Variants in RTN1 observed in about 807,000 individuals in gnomAD.
RTN1 encodes the protein reticulon 1, also known as reticulon-1.
Under a neutral mutation model 65.5 loss-of-function variants are expected in RTN1, and 25 were observed. That is an observed-to-expected ratio of 0.38 (90% CI 0.28 to 0.53). RTN1 has a LOEUF of 0.53. RTN1 is among the 20% of genes least tolerant of loss of function. RTN1 has a pLI of 0.79. For missense variants in RTN1, 983 were observed against 1,025.4 expected (o/e 0.96, Z 0.57); for synonymous variants, 471 against 447.6 (o/e 1.05, Z -0.66).
intron 3 of RTN1, among the ~76,000 whole-genome samples, chr14:59,612,537 T>C (rs12436730): frequency 0.46 from 69,364 of 152,158 alleles, 18,152 homozygotes; most frequent in East Asian, 0.84. Context: ...TGTTGTGTAC[T>C]TTGTGCTAAA....
intron 1 of RTN1, among the ~76,000 whole-genome samples, chr14:59,755,890 G>A (rs757178369): frequency 6.6e-6 from 1 of 152,156 alleles, no homozygotes; most frequent in Non-Finnish European, 1.5e-5. Context: ...TTAAGAATAT[G>A]AGTAACTACT....
rs924087072 is a variant in RTN1, at chr14:59,784,384, T to C, written c.242-37903A>G. On this transcript the variant is annotated intron_variant, in intron 1 of 8. Coordinates refer to ENST00000267484, the MANE Select transcript of RTN1 (RefSeq NM_021136.3). ...TGAACCTGGGAGGCGGAGGTTGTGG[T>C]GAGCCGAGATCGTGCCATTACACTC... 5.3e-5 allele frequency among the ~76,000 whole-genome samples: 8 copies of C among 150,666 alleles called. No individual in the cohort carries two copies. In the Admixed American group the frequency reaches 5.3e-4, roughly 10 times the overall value.
At chr14:59,659,675 C>G (rs1178774989) in intron 3 of RTN1, among the ~76,000 whole-genome samples, 1 of 152,210 alleles carries the variant, frequency 6.6e-6, no homozygotes, top group South Asian at 2.1e-4. Flanking sequence ...AAATACTTTA[C>G]AGACAAGCAA....
intron 3 of RTN1, among the ~76,000 whole-genome samples, chr14:59,622,521 A>AGGCC (rs1555352374): frequency 6.6e-6 from 1 of 151,676 alleles, no homozygotes; most frequent in Non-Finnish European, 1.5e-5. Flanking sequence ...CAGAGTAAGA[A>AGGCC]GGCTAGACAA....
chr14:59,670,781 C>T (rs1230752218), intron 3 of RTN1, among the ~76,000 whole-genome samples: 1 of 152,152 alleles, frequency 6.6e-6, no homozygotes, highest in Non-Finnish European at 1.5e-5. Context: ...AGGTAAATGA[C>T]ATCCAGGTGT....
chr14:59,818,137 C>A (rs896470912), intron 1 of RTN1, among the ~76,000 whole-genome samples: 1 of 152,228 alleles, frequency 6.6e-6, no homozygotes, highest in African/African-American at 2.4e-5. Context: ...ATTTGGCTTT[C>A]TGTGTTAATT....
intron 1 of RTN1, among the ~76,000 whole-genome samples, chr14:59,856,956 G>A (rs1218164839): frequency 2.0e-5 from 3 of 152,076 alleles, no homozygotes; most frequent in African/African-American, 7.2e-5. Flanking sequence ...TGAAGAAACT[G>A]ATACATAAAG....
intron 8 of RTN1, among the ~76,000 whole-genome samples, chr14:59,599,298 C>T (rs999673813): frequency 2.0e-5 from 3 of 152,114 alleles, no homozygotes; most frequent in South Asian, 2.1e-4. Context: ...GATTTCAATT[C>T]GGCATTCTCG....
intron 3 of RTN1, among the ~76,000 whole-genome samples, chr14:59,705,498 C>A (rs967208976): frequency 7.9e-5 from 12 of 152,182 alleles, no homozygotes; most frequent in African/African-American, 2.9e-4. Context: ...TGCCTCACGT[C>A]CCAGTAAGCC....
At chr14:59,657,066 C>T (rs1353662134) in intron 3 of RTN1, among the ~76,000 whole-genome samples, 1 of 152,032 alleles carries the variant, frequency 6.6e-6, no homozygotes, top group East Asian at 1.9e-4. Flanking sequence ...ACCTAATCCA[C>T]AAATAGCTGG....
chr14:59,699,396 A>G (rs985048963), intron 3 of RTN1, among the ~76,000 whole-genome samples: 1 of 152,190 alleles, frequency 6.6e-6, no homozygotes, highest in Non-Finnish European at 1.5e-5. Context: ...TCTTTTTCAT[A>G]AGAGGAAAAG....
At chr14:59,822,897 T>C (rs1009947823) in intron 1 of RTN1, among the ~76,000 whole-genome samples, 1 of 152,028 alleles carries the variant, frequency 6.6e-6, no homozygotes, top group African/African-American at 2.4e-5. Context: ...TTTTTTAACT[T>C]GTTGAAAATT....
chr14:59,814,190 A>G (rs1175017228), intron 1 of RTN1, among the ~76,000 whole-genome samples: 1 of 152,192 alleles, frequency 6.6e-6, no homozygotes, highest in Admixed American at 6.5e-5. Context: ...AAAGTGAGGG[A>G]AAGAAGGCAG....
chr14:59,687,809 A>C (rs528071137), intron 3 of RTN1, among the ~76,000 whole-genome samples: 5 of 151,954 alleles, frequency 3.3e-5, no homozygotes, highest in Non-Finnish European at 7.4e-5. Context: ...ATCTCCAAGC[A>C]TTTGGAGCAC....
intron 2 of RTN1, among the ~76,000 whole-genome samples, chr14:59,745,405 T>C (rs980441805): frequency 6.6e-6 from 1 of 152,128 alleles, no homozygotes; most frequent in African/African-American, 2.4e-5. Flanking sequence ...ACAGTAGGGC[T>C]GCATGAGGAT....
chr14:59,620,799 G>T (rs1882235465), intron 3 of RTN1, among the ~76,000 whole-genome samples: 1 of 152,208 alleles, frequency 6.6e-6, no homozygotes, highest in Admixed American at 6.5e-5. Context: ...TCAATGGGTG[G>T]TGGGGCTGGT....
chr14:59,781,592 A>G (rs150234042), intron 1 of RTN1, among the ~76,000 whole-genome samples: 16 of 152,262 alleles, frequency 1.1e-4, no homozygotes, highest in Non-Finnish European at 1.8e-4. Flanking sequence ...TTTAATGGCC[A>G]TAAATATTCC....
chr14:59,811,486 G>C (rs749619547), intron 1 of RTN1, among the ~76,000 whole-genome samples: 1 of 152,124 alleles, frequency 6.6e-6, no homozygotes, highest in African/African-American at 2.4e-5. Flanking sequence ...TTGTAAGTAC[G>C]TATCAATTCT....
chr14:59,699,464 T>C (rs1884135378), intron 3 of RTN1, among the ~76,000 whole-genome samples: 3 of 152,124 alleles, frequency 2.0e-5, no homozygotes, highest in South Asian at 2.1e-4. Flanking sequence ...TGCACTTACA[T>C]TTTTATGAAA....
Sources: allele counts gnomAD v4.1 joint callset (sites outside exome capture counted in the v4.1 genomes callset), GRCh38; gene constraint gnomAD v4.1.1; transcripts MANE v1.5; gene names NCBI Gene and HGNC (gene_info 2026-07-23, HGNC 2026-07-21).